CDH13: variants seen among roughly 807,000 people sequenced by gnomAD.
The protein encoded by CDH13 is cadherin 13.
A neutral mutation model predicts 63.8 loss-of-function variants in CDH13; 24 were observed. The observed-to-expected ratio is 0.38, with a 90% CI of 0.27 to 0.53. The LOEUF is 0.53. Ranked by LOEUF, CDH13 falls within the 20% of genes least tolerant of loss-of-function variation. The probability of loss-of-function intolerance (pLI) is 0.85; values close to 1 mark genes in which losing one functional copy is unlikely to be tolerated. For missense variants in CDH13, 1,049 were observed against 903.1 expected (o/e 1.16, Z -2.07); for synonymous variants, 503 against 355.3 (o/e 1.42, Z -4.67).
intron 5 of CDH13, among the ~76,000 whole-genome samples, chr16:83,220,185 G>A (rs559586210): frequency 3.9e-5 from 6 of 152,250 alleles, no homozygotes; most frequent in South Asian, 2.1e-4. Context: ...CATCATACCC[G>A]CACTGAAGCT....
intron 11 of CDH13, among the ~76,000 whole-genome samples, chr16:83,766,662 T>C (rs1029760550): frequency 2.0e-5 from 3 of 152,238 alleles, no homozygotes; most frequent in Admixed American, 6.5e-5. Flanking sequence ...CAGAGCTAAC[T>C]TCTGAAAGTT....
rs563925704 is a variant in CDH13 at position 83,722,790 on chromosome 16, T to C, written c.1539-25318T>C. The stretch of plus-strand genomic sequence containing the variant: ...CAGGCTGGGGGGGTGGATTTCAATG[T>C]CATCTTACTAAAAAAGTTCACTAAT... On this transcript the variant is annotated intron_variant, in intron 10 of 13. Transcript: ENST00000567109. Among the ~76,000 whole-genome samples, 14 of 152,324 alleles carry C rather than the reference T, an allele frequency of 9.2e-5. No individual in the cohort carries two copies. The South Asian group carries it at 2.7e-3, about 29-fold the overall frequency.
At chr16:83,644,602 T>C (rs1044166214) in intron 8 of CDH13, among the ~76,000 whole-genome samples, 1 of 152,242 alleles carries the variant, frequency 6.6e-6, no homozygotes, top group African/African-American at 2.4e-5. Flanking sequence ...TCAGTTACGC[T>C]GGTTTCTGTA....
At chr16:83,594,256 A>G (rs887974601) in intron 7 of CDH13, among the ~76,000 whole-genome samples, 3 of 152,220 alleles carry the variant, frequency 2.0e-5, no homozygotes, top group African/African-American at 7.2e-5. Context: ...CAGCATTTAC[A>G]TATGCCAAGC....
chr16:82,929,495 C>G (rs1422247174), intron 2 of CDH13, among the ~76,000 whole-genome samples: 1 of 150,512 alleles, frequency 6.6e-6, no homozygotes, highest in Non-Finnish European at 1.5e-5. Context: ...ACTAAAAATA[C>G]AAAAAAATTA....
rs370120168 is a variant in CDH13 at position 83,335,323 on chromosome 16, C to A, written c.637-9539C>A. Among the ~76,000 whole-genome samples, 45 of 152,062 alleles carry A rather than the reference C, an allele frequency of 3.0e-4. 1 individual carries two copies. The highest frequency in any genetic ancestry group is 1.1e-3 in the African/African-American group (45 of 41,400). On this transcript the variant is annotated intron_variant, in intron 5 of 13. Coordinates refer to ENST00000567109, the MANE Select transcript of CDH13 (RefSeq NM_001257.5). Reference sequence around the variant, plus strand: ...ACCCTTAACAATTACCGGCTCTTAACTTTTCTTTATCTGGGGGCAAATGCT... The same window carrying A: ...ACCCTTAACAATTACCGGCTCTTAAATTTTCTTTATCTGGGGGCAAATGCT...
At chr16:82,683,806 T>G (rs527375680) in intron 1 of CDH13, among the ~76,000 whole-genome samples, 1 of 152,324 alleles carries the variant, frequency 6.6e-6, no homozygotes, top group East Asian at 1.9e-4. Context: ...GGATGATATT[T>G]TTTCTATTTT....
At chr16:83,707,885 G>A (rs867220487) in intron 10 of CDH13, among the ~76,000 whole-genome samples, 115 of 139,564 alleles carry the variant, frequency 8.2e-4, no homozygotes, top group Middle Eastern at 3.9e-3. Context: ...ATTTTGAGGA[G>A]AAGGCAAGAA....
chr16:83,187,005 C>T (rs544942877), intron 4 of CDH13, among the ~76,000 whole-genome samples: 1 of 152,146 alleles, frequency 6.6e-6, no homozygotes, highest in South Asian at 2.1e-4. Context: ...GAGTCTCGCT[C>T]TGTCACCCAG....
chr16:83,102,956 T>C (rs1164122553), intron 3 of CDH13, among the ~76,000 whole-genome samples: 6 of 117,918 alleles, frequency 5.1e-5, no homozygotes, highest in Non-Finnish European at 9.0e-5. Flanking sequence ...TTCTTTTTTT[T>C]TTTTTTTTTT....
intron 7 of CDH13, among the ~76,000 whole-genome samples, chr16:83,504,972 TA>T (rs2074363238): frequency 6.6e-6 from 1 of 152,078 alleles, no homozygotes; most frequent in Non-Finnish European, 1.5e-5. Context: ...CCTTTCTCTG[TA>T]AAAATGGTTA....
intron 11 of CDH13, among the ~76,000 whole-genome samples, chr16:83,751,112 C>A (rs921638966): frequency 6.6e-6 from 1 of 152,036 alleles, no homozygotes; most frequent in African/African-American, 2.4e-5. Context: ...GTGTGGATAC[C>A]GGACTGTTCT....
At chr16:83,469,369 A>G (rs1441791648) in intron 6 of CDH13, among the ~76,000 whole-genome samples, 1 of 152,172 alleles carries the variant, frequency 6.6e-6, no homozygotes, top group Non-Finnish European at 1.5e-5. Context: ...GAGGAAGAAA[A>G]TATTTCAGAG....
At chr16:83,712,130 C>T (rs1908155200) in intron 10 of CDH13, among the ~76,000 whole-genome samples, 1 of 152,164 alleles carries the variant, frequency 6.6e-6, no homozygotes, top group Non-Finnish European at 1.5e-5. Context: ...TTTAACTTAC[C>T]TGTTTAAGAC....
rs139655896 is a variant in CDH13, at chr16:83,343,035, G to C, written c.637-1827G>C. Among the ~76,000 whole-genome samples the C allele has an allele frequency of 1.1e-4, 17 of 151,746 alleles. No individual in the cohort carries two copies. The East Asian group carries it at 3.3e-3, about 29-fold the overall frequency. On this transcript the variant is annotated intron_variant, in intron 5 of 13. Transcript: ENST00000567109. Reference sequence around the variant, plus strand: ...AAGTATAAAATTTCACTCTCTGTGAGATCTCCTTTGTGTGCAGATATTACG... The same window carrying C: ...AAGTATAAAATTTCACTCTCTGTGACATCTCCTTTGTGTGCAGATATTACG...
At chr16:83,462,191 C>A (rs2073199284) in intron 6 of CDH13, among the ~76,000 whole-genome samples, 4 of 152,248 alleles carry the variant, frequency 2.6e-5, no homozygotes, top group African/African-American at 9.6e-5. Flanking sequence ...TGAGCCCCTG[C>A]AGGCAAACCT....
At chr16:82,819,847 A>T (rs1260007759) in intron 1 of CDH13, among the ~76,000 whole-genome samples, 1 of 152,246 alleles carries the variant, frequency 6.6e-6, no homozygotes, top group East Asian at 1.9e-4. Flanking sequence ...GACAACTAAT[A>T]TATAAATAAG....
intron 6 of CDH13, among the ~76,000 whole-genome samples, chr16:83,427,054 G>A (rs1279002026): frequency 6.6e-6 from 1 of 150,618 alleles, no homozygotes; most frequent in African/African-American, 2.4e-5. Flanking sequence ...AGCCTCCCAG[G>A]TAGCTGGTAC....
chr16:82,831,960 C>T (rs1475199174), intron 1 of CDH13, among the ~76,000 whole-genome samples: 1 of 152,174 alleles, frequency 6.6e-6, no homozygotes, highest in African/African-American at 2.4e-5. Flanking sequence ...AACTCATTAT[C>T]ACATGGAATA....
Sources: allele counts gnomAD v4.1 joint callset (sites outside exome capture counted in the v4.1 genomes callset), GRCh38; gene constraint gnomAD v4.1.1; transcripts MANE v1.5; gene names NCBI Gene and HGNC (gene_info 2026-07-23, HGNC 2026-07-21).